Variants in PLAC1 observed in about 807,000 individuals in gnomAD.
PLAC1 encodes the protein placenta associated 1, also known as placenta-specific protein 1.
For missense variants in PLAC1, 136 were observed against 163.2 expected, an observed-to-expected ratio of 0.83 and a Z score of 0.91; for synonymous variants, 68 against 62.1, an observed-to-expected ratio of 1.09 and a Z score of -0.44.
At chrX:134,700,743 G>A (rs1406500364) in intron 2 of PLAC1, among the ~76,000 whole-genome samples, 1 of 111,337 alleles carries the variant, frequency 9.0e-6, no homozygotes, top group Admixed American at 9.6e-5. Context: ...AGACATGAAA[G>A]ATCTCTACAA....
chrX:134,674,919 G>A (rs1602898495), intron 2 of PLAC1, among the ~76,000 whole-genome samples: 2 of 112,452 alleles, frequency 1.8e-5, no homozygotes, highest in Admixed American at 1.9e-4. Context: ...CACAGGACAG[G>A]AGTTTGGGAA....
intron 2 of PLAC1, among the ~76,000 whole-genome samples, chrX:134,718,213 G>A (rs755644104): frequency 9.0e-6 from 1 of 111,654 alleles, no homozygotes; most frequent in East Asian, 2.8e-4. Context: ...CTGGAGAAGT[G>A]TAAGCCAGAA....
chrX:134,621,811 A>G (rs1193834302), intron 1 of PLAC1, among the ~76,000 whole-genome samples: 1 of 111,947 alleles, frequency 8.9e-6, no homozygotes, highest in Non-Finnish European at 1.9e-5. Flanking sequence ...TAAGCTGGTG[A>G]GCAACCCAAC....
intron 1 of PLAC1, among the ~76,000 whole-genome samples, chrX:134,748,081 G>C (rs2078733050): frequency 8.9e-6 from 1 of 111,921 alleles, no homozygotes; most frequent in African/African-American, 3.3e-5. Context: ...TGTAATCCCA[G>C]CATTTTGGGA....
chrX:134,625,591 T>C (rs2037875361), intron 1 of PLAC1, among the ~76,000 whole-genome samples: 1 of 111,658 alleles, frequency 9.0e-6, no homozygotes, highest in Non-Finnish European at 1.9e-5. Flanking sequence ...TTGTCAATTG[T>C]GAAACAAACA....
intron 1 of PLAC1, among the ~76,000 whole-genome samples, chrX:134,625,081 G>T (rs1485449970): frequency 9.0e-6 from 1 of 111,698 alleles, no homozygotes; most frequent in Non-Finnish European, 1.9e-5. Flanking sequence ...CACATAGAAA[G>T]TCAGCCACAT....
intron 1 of PLAC1, among the ~76,000 whole-genome samples, chrX:134,741,149 A>T (rs868005067): frequency 2.7e-5 from 3 of 112,107 alleles, no homozygotes; most frequent in South Asian, 3.7e-4. Flanking sequence ...TAACAATTTT[A>T]TTTTAAAAAA....
chrX:134,682,763 C>T (rs191329644), intron 2 of PLAC1, among the ~76,000 whole-genome samples: 35 of 110,713 alleles, frequency 3.2e-4, no homozygotes, highest in African/African-American at 1.1e-3. Flanking sequence ...ACCATTTTGG[C>T]CAGGGTGGTC....
At chrX:134,585,364 T>TA (rs1408656826) in intron 2 of PLAC1, among the ~76,000 whole-genome samples, 1 of 108,508 alleles carries the variant, frequency 9.2e-6, no homozygotes, top group Non-Finnish European at 1.9e-5. Flanking sequence ...TTTTTTTTTT[T>TA]AAAAAGAGAA....
At chrX:134,613,851 G>A (rs1378265557) in intron 1 of PLAC1, among the ~76,000 whole-genome samples, 11 of 110,586 alleles carry the variant, frequency 9.9e-5, no homozygotes, top group Non-Finnish European at 1.5e-4. Flanking sequence ...TTTTCTTGCC[G>A]CTCTGTTGCC....
chrX:134,726,992 C>A (rs774912572), intron 2 of PLAC1, among the ~76,000 whole-genome samples: 6 of 109,958 alleles, frequency 5.5e-5, no homozygotes, highest in Non-Finnish European at 7.6e-5. Context: ...CCATCCAGTG[C>A]TGGAGACACT....
chrX:134,696,226 A>G (rs1185866097), intron 2 of PLAC1, among the ~76,000 whole-genome samples: 1 of 111,546 alleles, frequency 9.0e-6, no homozygotes, highest in East Asian at 2.8e-4. Context: ...ACTCAAGGCC[A>G]GGAAGGAAAT....
At chrX:134,650,584 G>A (rs1411845027) in intron 1 of PLAC1, among the ~76,000 whole-genome samples, 3 of 111,871 alleles carry the variant, frequency 2.7e-5, no homozygotes, top group African/African-American at 9.7e-5. Context: ...CAGGTCTGTC[G>A]TGTCCACAGC....
intron 2 of PLAC1, among the ~76,000 whole-genome samples, chrX:134,594,679 G>A (rs1384708598): frequency 1.8e-5 from 2 of 110,918 alleles, no homozygotes; most frequent in South Asian, 3.7e-4. Context: ...ACCTTTTGAT[G>A]TCTGCAGGGT....
intron 2 of PLAC1, among the ~76,000 whole-genome samples, chrX:134,575,133 C>G (rs2077930685): frequency 9.0e-6 from 1 of 110,952 alleles, no homozygotes; most frequent in Admixed American, 9.7e-5. Flanking sequence ...CAACTCTGGA[C>G]TAAAAGAGAG....
At chrX:134,672,433 G>T (rs760513744) in intron 2 of PLAC1, among the ~76,000 whole-genome samples, 1 of 111,622 alleles carries the variant, frequency 9.0e-6, no homozygotes, top group Admixed American at 9.4e-5. Flanking sequence ...ACTCTCTCTT[G>T]CTCTCTCTTC....
intron 2 of PLAC1, among the ~76,000 whole-genome samples, chrX:134,679,102 T>C (rs193057123): frequency 6.8e-4 from 76 of 111,672 alleles, no homozygotes; most frequent in African/African-American, 2.4e-3. Flanking sequence ...AAAGAAAACA[T>C]TTTCTGTAGT....
chrX:134,592,338 G>C (rs1447270229), intron 2 of PLAC1, among the ~76,000 whole-genome samples: 1 of 112,271 alleles, frequency 8.9e-6, no homozygotes. Flanking sequence ...CTTTGTGATG[G>C]TTAATTTTAT....
chrX:134,710,806 A>C (rs1372380175), intron 2 of PLAC1, among the ~76,000 whole-genome samples: 1 of 111,403 alleles, frequency 9.0e-6, no homozygotes, highest in East Asian at 2.8e-4. Flanking sequence ...TTCATGTAGC[A>C]CTTTTTTTTT....
Sources: gnomAD v4.1 joint callset for allele counts (sites outside exome capture counted in the v4.1 genomes callset) on GRCh38, gnomAD v4.1.1 for gene constraint, MANE v1.5 for transcripts, NCBI Gene and HGNC (gene_info 2026-07-23, HGNC 2026-07-21) for gene names.